The following DIAPH2 variants were observed in gnomAD, a reference collection of about 807,000 sequenced individuals.
DIAPH2 encodes the protein diaphanous related formin 2, also known as protein diaphanous homolog 2.
A neutral mutation model predicts 92.7 loss-of-function variants in DIAPH2; 35 were observed. The observed-to-expected ratio is 0.38, with a 90% confidence interval of 0.29 to 0.50. The LOEUF (loss-of-function observed/expected upper bound fraction) is 0.50. DIAPH2 is among the 20% of genes least tolerant of loss of function. The pLI is 0.94. For missense variants in DIAPH2, 701 were observed against 819.5 expected, an observed-to-expected ratio of 0.86 and a Z score of 1.77; for synonymous variants, 301 against 280.4, an observed-to-expected ratio of 1.07 and a Z score of -0.73.
At chrX:96,717,785 TTA>T (rs2063959148) in intron 1 of DIAPH2, among the ~76,000 whole-genome samples, 1 of 91,186 alleles carries the variant, frequency 1.1e-5, no homozygotes, top group South Asian at 5.7e-4. Context: ...AATCACTGGT[TTA>T]TATGTTTTTT....
intron 26 of DIAPH2, among the ~76,000 whole-genome samples, chrX:97,528,073 T>C (rs2071035455): frequency 8.9e-6 from 1 of 111,857 alleles, no homozygotes; most frequent in South Asian, 3.8e-4. Flanking sequence ...CTTTATACTT[T>C]AGCACCACAA....
chrX:97,248,330 A>G (rs1286788086), intron 23 of DIAPH2, among the ~76,000 whole-genome samples: 1 of 111,490 alleles, frequency 9.0e-6, no homozygotes, highest in Non-Finnish European at 1.9e-5. Context: ...GGATGGATAG[A>G]CGAATTGATT....
intron 23 of DIAPH2, among the ~76,000 whole-genome samples, chrX:97,338,731 A>G (rs1168541553): frequency 8.9e-6 from 1 of 112,529 alleles, no homozygotes; most frequent in Non-Finnish European, 1.9e-5. Flanking sequence ...ATTTGACTCA[A>G]GTATCTATGA....
chrX:97,552,569 T>C (rs2071228030), intron 26 of DIAPH2, among the ~76,000 whole-genome samples: 1 of 111,033 alleles, frequency 9.0e-6, no homozygotes, highest in Non-Finnish European at 1.9e-5. Flanking sequence ...ATTTTTCTTT[T>C]TTTTTTTTTT....
At chrX:96,758,644 A>G (rs183604659) in intron 4 of DIAPH2, among the ~76,000 whole-genome samples, 26 of 112,213 alleles carry the variant, frequency 2.3e-4, no homozygotes, top group Non-Finnish European at 1.9e-4. Flanking sequence ...GTTTACATTA[A>G]AGCTACATGT....
At chrX:97,087,151 G>A (rs1315880967) in intron 19 of DIAPH2, among the ~76,000 whole-genome samples, 9 of 111,306 alleles carry the variant, frequency 8.1e-5, no homozygotes, top group Non-Finnish European at 3.8e-5. Flanking sequence ...CAGTATAAGG[G>A]GCATTGGATT....
intron 4 of DIAPH2, among the ~76,000 whole-genome samples, chrX:96,870,999 A>G (rs1473127604): frequency 8.9e-6 from 1 of 111,874 alleles, no homozygotes; most frequent in Non-Finnish European, 1.9e-5. Context: ...TACCTTCATA[A>G]TCTTTGCCCC....
chrX:96,933,311 C>A (rs774530885), intron 10 of DIAPH2, among the ~76,000 whole-genome samples: 3 of 106,507 alleles, frequency 2.8e-5, no homozygotes, highest in African/African-American at 1.0e-4. Context: ...TTTCATTTTC[C>A]TTTTCCGTTT....
chrX:97,317,746 T>A (rs1179167909), intron 23 of DIAPH2, among the ~76,000 whole-genome samples: 1 of 112,370 alleles, frequency 8.9e-6, no homozygotes, highest in African/African-American at 3.2e-5. Context: ...GGAACAGTAA[T>A]TATCTGCATT....
intron 23 of DIAPH2, among the ~76,000 whole-genome samples, chrX:97,258,460 C>T (rs780246796): frequency 9.4e-4 from 104 of 111,017 alleles, no homozygotes; most frequent in African/African-American, 3.4e-3. Context: ...GTAGTCCCAG[C>T]TACTCGGGAG....
At chrX:97,185,453 GTGTATATATATATATATACACATATA>G (rs2067587650) in intron 22 of DIAPH2, among the ~76,000 whole-genome samples, 2 of 8,934 alleles carry the variant, frequency 2.2e-4, no homozygotes. Context: ...ATATATGTGT[GTGTATATATATATATATACACATATA>G]TATATATATA....
chrX:96,937,341 G>A lies in DIAPH2; in HGVS notation c.1198G>A (p.Ala400Thr), dbSNP rs780674901. 7.2e-6 allele frequency: 8 copies of A among 1,116,462 alleles called. No homozygotes were observed. In the Admixed American group the frequency reaches 1.2e-4, roughly 16 times the overall value. 92.0% of individuals were successfully genotyped at this position (1,116,462 alleles called of 1,213,427 possible). A position where few individuals can be genotyped will look rare whatever the true frequency, so the allele number is the denominator to read the frequency against. Residue 400 changes from alanine (A) to threonine (T), a missense_variant, in exon 11 of 27, where the codon GCA becomes ACA. Around this residue, in one of 3 missense-constraint regions of DIAPH2, gnomAD observed 536 missense variants for 599.3 expected, o/e 0.89. Transcript: ENST00000324765. ...ATCACACCGTCTCAATGACATTCGAGCAGAAATGGAATATCCTTTGACAAA... is the reference window on the plus strand; with the variant it reads ...ATCACACCGTCTCAATGACATTCGAACAGAAATGGAATATCCTTTGACAAA... ...ELSHRLNDIRAEMDDMNEVYH... is the reference protein window; with the variant it reads ...ELSHRLNDIRTEMDDMNEVYH...
At position 96,780,725 on chromosome X, in the gene DIAPH2, G is replaced by A. The variant is rs996263070; in HGVS notation, c.447+22467G>A. ...TCTCGATCTCCTGACCTCGTGATCC[G>A]CCCGCCTCAGCCTCCCAAAGTGCTG... On this transcript the variant is annotated intron_variant, in intron 4 of 26. Coordinates refer to ENST00000324765, the MANE Select transcript of DIAPH2 (RefSeq NM_006729.5). Among the ~76,000 whole-genome samples the A allele has an allele frequency of 4.6e-5, 5 of 109,565 alleles. No individual in the cohort carries two copies. In the East Asian group the frequency reaches 1.4e-3, roughly 32 times the overall value.
intron 1 of DIAPH2, among the ~76,000 whole-genome samples, chrX:96,715,502 T>G (rs1359700534): frequency 8.9e-6 from 1 of 111,734 alleles, no homozygotes; most frequent in Non-Finnish European, 1.9e-5. Context: ...TTGTTGCAAT[T>G]CTTCACTCTT....
chrX:96,859,562 A>C (rs939653065), intron 4 of DIAPH2, among the ~76,000 whole-genome samples: 1 of 110,831 alleles, frequency 9.0e-6, no homozygotes, highest in Non-Finnish European at 1.9e-5. Flanking sequence ...AATAGCACAC[A>C]CATTCATGTA....
intron 21 of DIAPH2, among the ~76,000 whole-genome samples, chrX:97,129,091 C>G (rs2067113194): frequency 2.2e-5 from 1 of 45,635 alleles, no homozygotes; most frequent in Admixed American, 2.7e-4. Flanking sequence ...TCTATACCAT[C>G]TTTTCTTTTC....
At chrX:96,897,850 T>C (rs1341940623) in intron 5 of DIAPH2, among the ~76,000 whole-genome samples, 1 of 84,917 alleles carries the variant, frequency 1.2e-5, no homozygotes, top group African/African-American at 4.3e-5. Flanking sequence ...GCATTAGGTA[T>C]ATCTCCTAAA....
chrX:97,503,159 G>A (rs2070810270), intron 26 of DIAPH2, among the ~76,000 whole-genome samples: 1 of 112,093 alleles, frequency 8.9e-6, no homozygotes, highest in East Asian at 2.8e-4. Context: ...TTTATGAACT[G>A]TTACTAAGTT....
At position 96,684,953 on chromosome X, in the gene DIAPH2, G is replaced by C; in HGVS notation, c.-106G>C. ...CCCGGGCAGACACTCTCTCCCTCAGGAAGAGGTGCCGCCGAGTCAGCGCGG... is the reference window on the plus strand; with the variant it reads ...CCCGGGCAGACACTCTCTCCCTCAGCAAGAGGTGCCGCCGAGTCAGCGCGG... On this transcript the variant is annotated 5_prime_UTR_variant, in exon 1 of 27. Transcript: ENST00000324765. The C allele has an allele frequency of 1.1e-6, 1 of 886,764 alleles. No homozygotes were observed. The highest frequency in any genetic ancestry group is 1.4e-6 in the Non-Finnish European group (1 of 700,739). 73.1% of individuals were successfully genotyped at this position (886,764 alleles called of 1,213,427 possible). A position where few individuals can be genotyped will look rare whatever the true frequency, so the allele number is the denominator to read the frequency against.
Sources: gnomAD v4.1 joint callset for allele counts (sites outside exome capture counted in the v4.1 genomes callset) on GRCh38, gnomAD v4.1.1 for gene constraint, gnomAD v4.1.1 regional missense constraint, MANE v1.5 for transcripts, NCBI Gene and HGNC (gene_info 2026-07-23, HGNC 2026-07-21) for gene names.